The following CAND1 variants were observed in gnomAD, a reference collection of about 807,000 sequenced individuals.
CAND1 encodes cullin associated and neddylation dissociated 1, also known as cullin-associated NEDD8-dissociated protein 1.
CAND1 carries 7 observed loss-of-function variants against 108.5 expected under a neutral mutation model. That is an observed-to-expected ratio of 0.06 (90% confidence interval 0.04 to 0.12). CAND1 has a LOEUF of 0.12. CAND1 is among the 10% of genes least tolerant of loss of function. The pLI is 1.00. For synonymous variants in CAND1, 534 were observed against 512.0 expected (o/e 1.04, Z -0.58); for missense variants, 941 against 1,448.7 (o/e 0.65, Z 5.69).
At chr12:67,272,791 G>C (rs1220991861) in intron 1 of CAND1, among the ~76,000 whole-genome samples, 1 of 152,074 alleles carries the variant, frequency 6.6e-6, no homozygotes, top group Non-Finnish European at 1.5e-5. Context: ...CCGCCTCCCA[G>C]GTTCAAGCAA....
chr12:67,269,739 A>C lies in CAND1; in HGVS notation c.22A>C (p.Ile8Leu), dbSNP rs2135984392. 6.2e-7 allele frequency: 1 copy of C among 1,606,476 alleles called. No individual in the cohort carries two copies. Among genetic ancestry groups the C allele is most frequent in the East Asian group, 2.3e-5 (1 of 44,000 alleles). Residue 8 changes from isoleucine to leucine, a missense_variant, in exon 1 of 15, where the codon ATT (isoleucine) becomes CTT (leucine). Physicochemically the swap from Ile to Leu is conservative, Grantham distance 5. Transcript: ENST00000545606. The part of the protein sequence containing the change: MASASYH[I>L]SNLLEKMTSS... ...CAACATGGCGAGCGCCTCGTACCAC[A>C]TTTCCAATTTGCTGGAAAAAATGAC...
Position 67,302,479 on chromosome 12 carries a change from G to A in CAND1, c.1157G>A (p.Arg386His). ...SPALISRFKE[R>H]EENVKADVFH... is the part of the protein sequence containing the mutation. Reference sequence around the variant, plus strand: ...GCACTAATATCCAGATTTAAAGAGCGTGAAGAGAATGTAAAGGCAGATGTT... The same window carrying A: ...GCACTAATATCCAGATTTAAAGAGCATGAAGAGAATGTAAAGGCAGATGTT... The change falls in exon 8 of 15, where the codon CGT (arginine) becomes CAT (histidine). Residue 386 changes from arginine (R) to histidine (H), a missense_variant. Coordinates refer to ENST00000545606, the MANE Select transcript of CAND1 (RefSeq NM_018448.5). 2.5e-6 allele frequency: 4 copies of A among 1,614,096 alleles called. No homozygotes were observed. The highest frequency in any genetic ancestry group is 3.4e-6 in the Non-Finnish European group (4 of 1,179,988).
chr12:67,292,405 A>T (rs1414464684), intron 2 of CAND1, among the ~76,000 whole-genome samples: 2 of 152,188 alleles, frequency 1.3e-5, no homozygotes, highest in African/African-American at 4.8e-5. Context: ...GTTTCATGAT[A>T]CTAGGATGGA....
chr12:67,289,634 C>T (rs528301613), intron 2 of CAND1, among the ~76,000 whole-genome samples: 1 of 152,308 alleles, frequency 6.6e-6, no homozygotes, highest in South Asian at 2.1e-4. Context: ...GCCTCAGTCT[C>T]CCAGAGTGCT....
chr12:67,293,762 A>AT (rs2044742830), intron 3 of CAND1, among the ~76,000 whole-genome samples: 1 of 152,204 alleles, frequency 6.6e-6, no homozygotes, highest in Admixed American at 6.5e-5. Flanking sequence ...TCAAAAAAAA[A>AT]TAAAAAAACA....
At position 67,319,824 on chromosome 12, in the gene CAND1, A is replaced by T. The variant is rs2045042693; in HGVS notation, c.*6994A>T. ...GCCCCCAGCTTTCTGCCTTCTAGAA[A>T]TTTGTCAGAATTTCCAAAATTCTTG... On this transcript the variant is annotated 3_prime_UTR_variant, in exon 15 of 15. Coordinates refer to ENST00000545606, the MANE Select transcript of CAND1 (RefSeq NM_018448.5). The T allele has an allele frequency of 6.6e-6, 1 of 152,170 alleles. No individual in the cohort carries two copies. The allele number at this position is 152,170 out of a possible 1,614,324, so 9.4% of individuals were successfully genotyped here. A position where few individuals can be genotyped will look rare whatever the true frequency, so the allele number is the denominator to read the frequency against.
At position 67,316,766 on chromosome 12, in the gene CAND1, G is replaced by A. The variant is rs2045011310; in HGVS notation, c.*3936G>A. On this transcript the variant is annotated 3_prime_UTR_variant, in exon 15 of 15. Coordinates refer to ENST00000545606, the MANE Select transcript of CAND1 (RefSeq NM_018448.5). ...AGTGACATTGTTTCCAGATTAGGAA[G>A]TATTGGAATTAATTTGCTATTGCCA... 1 of 152,214 alleles carries A rather than the reference G, an allele frequency of 6.6e-6. No individual in the cohort carries two copies. The highest frequency in any genetic ancestry group is 2.4e-5 in the African/African-American group (1 of 41,446). 9.4% of individuals were successfully genotyped at this position (152,214 alleles called of 1,614,324 possible).
At chr12:67,270,047 C>G (rs1252577501) in intron 1 of CAND1, 2 of 473,634 alleles carry the variant, frequency 4.2e-6, no homozygotes, top group Non-Finnish European at 7.4e-6. Flanking sequence ...AGCGCCCCCA[C>G]ATCCTTCCCT....
chr12:67,305,380 G>A lies in CAND1; in HGVS notation c.1712G>A (p.Cys571Tyr). The change falls in exon 10 of 15, where the codon TGT (cysteine) becomes TAT (tyrosine). Residue 571 changes from cysteine to tyrosine, a missense_variant. Around this residue, in one of 9 missense-constraint regions of CAND1, gnomAD observed 697 missense variants for 942.0 expected, o/e 0.74. Coordinates refer to ENST00000545606, the MANE Select transcript of CAND1 (RefSeq NM_018448.5). This position sits in a 1 kb window ranked among gnomAD's most constrained non-coding sequence, Gnocchi z 4.4. ...ATPYIKDLFT[C>Y]TIKRLKAADI... ...CCTTATATCAAAGATCTATTTACCT[G>A]TACCATTAAGAGATTAAAAGCAGCT... 6.2e-7 allele frequency: 1 copy of A among 1,614,044 alleles called. No individual in the cohort carries two copies. Among genetic ancestry groups the A allele is most frequent in the East Asian group, 2.2e-5 (1 of 44,878 alleles).
rs2044979436 is a variant in CAND1, at chr12:67,313,783, A to G, written c.*953A>G. The G allele has an allele frequency of 1.3e-5, 2 of 152,612 alleles. No homozygotes were observed. The highest frequency in any genetic ancestry group is 1.9e-4 in the East Asian group (1 of 5,200). The allele number at this position is 152,612 out of a possible 1,614,324, so 9.5% of individuals were successfully genotyped here. Reference sequence around the variant, plus strand: ...TTTCTTTCATTCCGTTTGGATGTCTACATTCCTTATCAAAGGATATAAATA... The same window carrying G: ...TTTCTTTCATTCCGTTTGGATGTCTGCATTCCTTATCAAAGGATATAAATA... On this transcript the variant is annotated 3_prime_UTR_variant, in exon 15 of 15. Transcript: ENST00000545606.
Position 67,297,607 on chromosome 12 carries a change from C to A in CAND1, c.692C>A (p.Thr231Lys). 1 of 1,613,930 alleles carries A rather than the reference C, an allele frequency of 6.2e-7. No homozygotes were observed. The highest frequency in any genetic ancestry group is 8.5e-7 in the Non-Finnish European group (1 of 1,179,888). The change falls in exon 5 of 15, where the codon ACA (threonine) becomes AAA (lysine). Residue 231 changes from threonine to lysine, a missense_variant. Physicochemically the swap from Thr to Lys is moderately conservative, Grantham distance 78. This residue lies in a region of CAND1 where 697 missense variants were observed against 942.0 expected (regional missense o/e 0.74). Transcript: ENST00000545606. ...TCCAAAAATGATTCTATGTCAACAA[C>A]AAGAACCTACATACAATGTATTGCT... Reference protein sequence around the residue: ...ELSKNDSMSTTRTYIQCIAAI... With the variant: ...ELSKNDSMSTKRTYIQCIAAI...
intron 4 of CAND1, among the ~76,000 whole-genome samples, chr12:67,296,311 A>G (rs946904237): frequency 1.3e-5 from 2 of 152,174 alleles, no homozygotes; most frequent in African/African-American, 4.8e-5. Flanking sequence ...CAATGAAACT[A>G]TATATAGAGG....
chr12:67,311,908 C>T lies in CAND1; in HGVS notation c.3468+108C>T, dbSNP rs2044954504. The T allele has an allele frequency of 6.1e-6, 4 of 657,284 alleles. No homozygotes were observed. The East Asian group carries it at 8.1e-5, about 13-fold the overall frequency. 40.7% of individuals were successfully genotyped at this position (657,284 alleles called of 1,614,324 possible). On this transcript the variant is annotated intron_variant, in intron 14 of 14. Transcript: ENST00000545606. The stretch of plus-strand genomic sequence containing the variant: ...ATAACTATTCCAGTGCTCTGTGTAG[C>T]AGTTGGTTTAAAAAGTTAACCTATC...
chr12:67,303,032 T>C (rs2044841446), intron 8 of CAND1, among the ~76,000 whole-genome samples: 1 of 152,174 alleles, frequency 6.6e-6, no homozygotes. Context: ...CCTGTGGTTG[T>C]GAGAGCTGGG....
chr12:67,278,986 A>G (rs2044595440), intron 1 of CAND1, among the ~76,000 whole-genome samples: 2 of 152,170 alleles, frequency 1.3e-5, no homozygotes. Flanking sequence ...TAGCCCTTAT[A>G]TCAGCAAAAA....
chr12:67,310,494 G>A, intron 13 of CAND1, 178 bp downstream of exon 13: 1 of 455,752 alleles, frequency 2.2e-6, no homozygotes, highest in Non-Finnish European at 3.9e-6. Context: ...CAGTTGACGT[G>A]TAAGAAAGAT....
intron 1 of CAND1, among the ~76,000 whole-genome samples, chr12:67,273,202 C>CA (rs2044537981): frequency 6.6e-6 from 1 of 152,152 alleles, no homozygotes. Context: ...TACCTTAGAA[C>CA]AGTGCTTCTC....
rs1393844484 is a variant in CAND1, at chr12:67,306,301, A to G, written c.2633A>G (p.Tyr878Cys). Residue 878 changes from tyrosine to cysteine, a missense_variant, in exon 10 of 15, where the codon TAT becomes TGT. Tyr to Cys is a radical substitution (Grantham distance 194). Transcript: ENST00000545606. ...GAAGAAGTCAAATCAGCTGCATCCTATGCATTAGGCAGCATTAGTGTGGGC... is the reference window on the plus strand; with the variant it reads ...GAAGAAGTCAAATCAGCTGCATCCTGTGCATTAGGCAGCATTAGTGTGGGC... ...PSEEVKSAAS[Y>C]ALGSISVGNL... The G allele has an allele frequency of 1.2e-6, 2 of 1,614,158 alleles. No homozygotes were observed. Among genetic ancestry groups the G allele is most frequent in the South Asian group, 1.1e-5 (1 of 91,080 alleles).
rs2044969140 is a variant in CAND1 at position 67,313,030 on chromosome 12, C to T, written c.*200C>T. ...TTCAGAAATGTGTATTTCCATAATCCAGAGGTTGTAAAACCACTAGTGTTT... is the reference window on the plus strand; with the variant it reads ...TTCAGAAATGTGTATTTCCATAATCTAGAGGTTGTAAAACCACTAGTGTTT... On this transcript the variant is annotated 3_prime_UTR_variant, in exon 15 of 15. Coordinates refer to ENST00000545606, the MANE Select transcript of CAND1 (RefSeq NM_018448.5). The T allele has an allele frequency of 4.2e-6, 2 of 480,526 alleles. No homozygotes were observed. The highest frequency in any genetic ancestry group is 3.9e-5 in the African/African-American group (2 of 51,136). The allele number at this position is 480,526 out of a possible 1,614,324, so 29.8% of individuals were successfully genotyped here.
Sources: gnomAD v4.1 joint callset for allele counts (sites outside exome capture counted in the v4.1 genomes callset) on GRCh38, gnomAD v4.1.1 for gene constraint, gnomAD v4.1.1 regional missense constraint, Gnocchi (gnomAD v3.1) non-coding constraint, MANE v1.5 for transcripts, NCBI Gene and HGNC (gene_info 2026-07-23, HGNC 2026-07-21) for gene names.